Variants in ACTR3C observed in about 807,000 individuals in gnomAD.
The protein encoded by ACTR3C is actin related protein 3C.
ACTR3C carries 18 observed loss-of-function variants against 26.3 expected under a neutral mutation model. The ratio of observed to expected loss-of-function variants is 0.68; its 90% CI spans 0.47 to 1.01. The LOEUF is 1.01. Ranked by LOEUF, ACTR3C falls within the 50% of genes least tolerant of loss-of-function variation. The pLI, the probability that ACTR3C is intolerant of heterozygous loss-of-function variation, is 0.00. For synonymous variants in ACTR3C, 55 were observed against 94.5 expected (o/e 0.58, Z 2.42); for missense variants, 184 against 250.7 (o/e 0.73, Z 1.80).
chr7:149,979,632 A>T, the ACTR3C span, among the ~76,000 whole-genome samples: 1 of 152,118 alleles, frequency 6.6e-6, no homozygotes, highest in Non-Finnish European at 1.5e-5. Flanking sequence ...ACCATCCTTT[A>T]AAACTTGTAT....
At chr7:150,178,921 T>C in the ACTR3C span, among the ~76,000 whole-genome samples, 1 of 150,408 alleles carries the variant, frequency 6.6e-6, no homozygotes, top group African/African-American at 2.5e-5. Context: ...GTCTACAGAC[T>C]ACTTAATTTT....
At chr7:149,899,765 A>G in the ACTR3C span, among the ~76,000 whole-genome samples, 1 of 151,992 alleles carries the variant, frequency 6.6e-6, no homozygotes. Flanking sequence ...GCAAGAAAAA[A>G]AAAAGGGAAG....
At chr7:150,079,653 T>G in the ACTR3C span, among the ~76,000 whole-genome samples, 1 of 152,168 alleles carries the variant, frequency 6.6e-6, no homozygotes, top group Admixed American at 6.5e-5. Flanking sequence ...TCATCATCCA[T>G]GTGGACCACA....
the ACTR3C span, among the ~76,000 whole-genome samples, chr7:150,077,981 G>T: frequency 6.6e-6 from 1 of 152,098 alleles, no homozygotes. Context: ...CCAACTTCAC[G>T]CTCCACACAT....
the ACTR3C span, among the ~76,000 whole-genome samples, chr7:149,954,254 A>G: frequency 6.6e-6 from 1 of 152,260 alleles, no homozygotes. Context: ...AATCAACTGT[A>G]TAATCATTTG....
the ACTR3C span, among the ~76,000 whole-genome samples, chr7:150,188,557 G>A: frequency 8.6e-3 from 1,304 of 151,316 alleles, 31 homozygotes; most frequent in African/African-American, 0.031. Flanking sequence ...TAGCTGCTCC[G>A]TTTCACATTT....
chr7:150,182,297 C>T, the ACTR3C span, among the ~76,000 whole-genome samples: 18 of 150,706 alleles, frequency 1.2e-4, 1 homozygote, highest in African/African-American at 4.5e-4. Flanking sequence ...ACTGCATTCT[C>T]GCCCCAGCAA....
chr7:150,043,581 C>T, the ACTR3C span, among the ~76,000 whole-genome samples: 6 of 152,348 alleles, frequency 3.9e-5, no homozygotes, highest in South Asian at 2.1e-4. Context: ...ATGGCTCCCA[C>T]TTTGTAGGCG....
chr7:150,306,609 G>C (rs566844283), intron 1 of ACTR3C, among the ~76,000 whole-genome samples: 1 of 152,314 alleles, frequency 6.6e-6, no homozygotes, highest in Non-Finnish European at 1.5e-5. Flanking sequence ...CACTTTGGGA[G>C]GCTAAAGTGG....
the ACTR3C span, among the ~76,000 whole-genome samples, chr7:150,049,133 G>C: frequency 3.9e-5 from 6 of 152,054 alleles, no homozygotes; most frequent in East Asian, 1.2e-3. Flanking sequence ...AGGAAGGCGC[G>C]CTCCAGCGCC....
downstream of ACTR3C, among the ~76,000 whole-genome samples, chr7:150,242,212 T>C (rs1832222328): frequency 7.0e-6 from 1 of 142,224 alleles, no homozygotes; most frequent in Non-Finnish European, 1.5e-5. Context: ...TGAGAACTTG[T>C]CTCAAAAAAA....
chr7:150,008,369 T>C, the ACTR3C span, among the ~76,000 whole-genome samples: 4 of 152,356 alleles, frequency 2.6e-5, no homozygotes, highest in Middle Eastern at 3.4e-3. Context: ...GGGCATGCTC[T>C]CCACTGTGCT....
chr7:150,022,297 C>T, the ACTR3C span, among the ~76,000 whole-genome samples: 2 of 151,572 alleles, frequency 1.3e-5, no homozygotes, highest in East Asian at 1.9e-4. Context: ...ATGTCCTTAG[C>T]CCACTTTTTG....
chr7:150,296,321 T>C (rs1322831838), intron 1 of ACTR3C, among the ~76,000 whole-genome samples: 2 of 149,042 alleles, frequency 1.3e-5, no homozygotes, highest in Non-Finnish European at 2.9e-5. Flanking sequence ...CACTCCAACC[T>C]GGGTGACAGA....
chr7:150,111,056 A>C, the ACTR3C span, among the ~76,000 whole-genome samples: 1 of 150,258 alleles, frequency 6.7e-6, no homozygotes, highest in Non-Finnish European at 1.5e-5. Context: ...CACGTGGCAA[A>C]CCTCGCACCA....
chr7:150,039,815 C>T, the ACTR3C span, among the ~76,000 whole-genome samples: 1,318 of 107,342 alleles, frequency 0.012, 6 homozygotes, highest in African/African-American at 0.033. Flanking sequence ...CCCTGCCTCG[C>T]GGGGGGTGCC....
At chr7:150,256,561 C>T (rs1293617747) in intron 6 of ACTR3C, among the ~76,000 whole-genome samples, 6 of 152,194 alleles carry the variant, frequency 3.9e-5, no homozygotes, top group African/African-American at 9.6e-5. Context: ...ACCCTGAGTA[C>T]GTGTGGACAC....
chr7:150,179,351 T>C, the ACTR3C span, among the ~76,000 whole-genome samples: 1 of 142,222 alleles, frequency 7.0e-6, no homozygotes, highest in Admixed American at 6.8e-5. Flanking sequence ...TTCTAAGGTG[T>C]CCACTAGAGG....
At chr7:150,219,048 TACTC>T in the ACTR3C span, among the ~76,000 whole-genome samples, 1 of 152,044 alleles carries the variant, frequency 6.6e-6, no homozygotes, top group East Asian at 1.9e-4. Flanking sequence ...TGATATTACT[TACTC>T]AGTTGAATAA....
Sources: gnomAD v4.1 joint callset for allele counts (sites outside exome capture counted in the v4.1 genomes callset) on GRCh38, gnomAD v4.1.1 for gene constraint, MANE v1.5 for transcripts, NCBI Gene and HGNC (gene_info 2026-07-23, HGNC 2026-07-21) for gene names.